IGSF9B: variants seen among roughly 807,000 people sequenced by gnomAD.
The protein encoded by IGSF9B is immunoglobulin superfamily member 9B.
Under a neutral mutation model 143.7 loss-of-function variants are expected in IGSF9B, and 48 were observed. That is an observed-to-expected ratio of 0.33 (90% CI 0.26 to 0.42). The LOEUF is 0.42. IGSF9B is among the 20% of genes least tolerant of loss of function. The pLI, the probability that IGSF9B is intolerant of heterozygous loss-of-function variation, is 1.00. For synonymous variants in IGSF9B, 903 were observed against 833.1 expected (o/e 1.08, Z -1.44); for missense variants, 1,706 against 1,980.0 (o/e 0.86, Z 2.63).
rs747036872 is a variant in IGSF9B at position 133,920,009 on chromosome 11, A to C, written c.3716T>G (p.Leu1239Arg). ...LQQAEMSEIT[L>R]QPPAAVSFSR... ...AAAGCTGACTGCAGCCGGCGGCTGCAGGGTGATCTCTGACATCTCTGCCTG... is the reference window on the plus strand; with the variant it reads ...AAAGCTGACTGCAGCCGGCGGCTGCCGGGTGATCTCTGACATCTCTGCCTG... Residue 1239 changes from leucine to arginine, a missense_variant, in exon 18 of 20, where the codon CTG (leucine) becomes CGG (arginine). By Grantham distance (102) the Leu-to-Arg change is moderately radical. Around this residue, in one of 7 missense-constraint regions of IGSF9B, gnomAD observed 880 missense variants for 762.9 expected, o/e 1.15. Coordinates refer to ENST00000533871, the MANE Select transcript of IGSF9B (RefSeq NM_001277285.4). The C allele has an allele frequency of 1.3e-6, 2 of 1,584,386 alleles. No homozygotes were observed. The highest frequency in any genetic ancestry group is 1.1e-5 in the South Asian group (1 of 87,792).
At position 133,953,290 on chromosome 11, in the gene IGSF9B, C is replaced by G. The variant is rs1361291637; in HGVS notation, c.64+3401G>C. Among the ~76,000 whole-genome samples, 1 of 152,236 alleles carries G rather than the reference C, an allele frequency of 6.6e-6. No individual in the cohort carries two copies. Among genetic ancestry groups the G allele is most frequent in the Non-Finnish European group, 1.5e-5 (1 of 68,038 alleles). On this transcript the variant is annotated intron_variant, in intron 1 of 19. Transcript: ENST00000533871. The surrounding 1 kb of genome is among the most constrained non-coding windows in gnomAD (Gnocchi z 4.2). ...TCCAGGACCAGCACATGCAGGGCCA[C>G]AGGCCCGCGGCTGAAAGCTGATTGC...
At chr11:133,932,355 C>T (rs954034786) in intron 7 of IGSF9B, 142 bp from the exon 8 acceptor site, 4 of 801,666 alleles carry the variant, frequency 5.0e-6, no homozygotes, top group African/African-American at 1.9e-5. Context: ...CAGACAGACA[C>T]AGGGACAGAC....
rs1205652050 is a variant in IGSF9B at position 133,907,815 on chromosome 11, C to T, written c.*1254G>A. Among the ~76,000 whole-genome samples the T allele has an allele frequency of 2.6e-5, 4 of 152,184 alleles. No individual in the cohort carries two copies. The highest frequency in any genetic ancestry group is 7.2e-5 in the African/African-American group (3 of 41,462). On this transcript the variant is annotated 3_prime_UTR_variant, in exon 20 of 20. Transcript: ENST00000533871. The stretch of plus-strand genomic sequence containing the variant: ...CGTCCCAGGCCCCAGCAGCCAGAGG[C>T]GCCCTAGCTTCACCTGAGCTCATCC...
chr11:133,936,880 TCTCTGGGGA>T (rs1358523614), intron 5 of IGSF9B, among the ~76,000 whole-genome samples: 1 of 152,180 alleles, frequency 6.6e-6, no homozygotes, highest in East Asian at 1.9e-4. Context: ...TCCTGGCCCC[TCTCTGGGGA>T]CTCTGGGGCT....
chr11:133,952,813 AC>A (rs1940189087), intron 1 of IGSF9B, among the ~76,000 whole-genome samples: 1 of 152,086 alleles, frequency 6.6e-6, no homozygotes, highest in Non-Finnish European at 1.5e-5. Flanking sequence ...GTGCACACAC[AC>A]ACACTTCTGG....
In IGSF9B at chr11:133,937,901, A is replaced by C; in HGVS notation, c.470T>G (p.Ile157Ser). Residue 157 changes from isoleucine (I) to serine (S), a missense_variant, in exon 4 of 20, where the codon ATC becomes AGC. Physicochemically the swap from Ile to Ser is moderately radical, Grantham distance 142. This residue lies in a region of IGSF9B where 171 missense variants were observed against 213.9 expected (regional missense o/e 0.80). Transcript: ENST00000533871. Reference protein sequence around the residue: ...QYIEAKEGGSITMTCTAFGNP... With the variant: ...QYIEAKEGGSSTMTCTAFGNP... ...CCCAAAAGCTGTGCAGGTCATGGTG[A>C]TACTACCACCCTCCTTGGCCTCGAT... is the stretch of plus-strand genomic sequence containing the variant. 6.2e-7 allele frequency: 1 copy of C among 1,612,870 alleles called. No homozygotes were observed. The highest frequency in any genetic ancestry group is 1.3e-5 in the African/African-American group (1 of 74,980).
chr11:133,906,776 AG>A lies in IGSF9B; in HGVS notation c.*2292del, dbSNP rs1191589314. Among the ~76,000 whole-genome samples the A allele has an allele frequency of 2.6e-5, 4 of 152,138 alleles. No homozygotes were observed. Among genetic ancestry groups the A allele is most frequent in the African/African-American group, 4.8e-5 (2 of 41,432 alleles). ...GCTGACAGCCTGATGCCCACATCCC[AG>A]TGCATCCCAGGGCCTGGCTGAGCCC... is the stretch of plus-strand genomic sequence containing the variant. On this transcript the variant is annotated 3_prime_UTR_variant, in exon 20 of 20. Coordinates refer to ENST00000533871, the MANE Select transcript of IGSF9B (RefSeq NM_001277285.4).
rs554734818 is a variant in IGSF9B at position 133,954,611 on chromosome 11, A to G, written c.64+2080T>C. On this transcript the variant is annotated intron_variant, in intron 1 of 19. Transcript: ENST00000533871. ...ACACTCATGTCCACCTAAAAACCCT[A>G]AAAGTACATGCTATTGGCACATTTT... Among the ~76,000 whole-genome samples, 3 of 152,322 alleles carry G rather than the reference A, an allele frequency of 2.0e-5. No homozygotes were observed. The East Asian group carries it at 5.8e-4, about 29-fold the overall frequency.
chr11:133,926,612 A>G (rs990558902), intron 13 of IGSF9B, among the ~76,000 whole-genome samples: 1 of 152,250 alleles, frequency 6.6e-6, no homozygotes, highest in African/African-American at 2.4e-5. Context: ...AGGCGCTGCC[A>G]AGGAGGGAGG....
chr11:133,910,773 C>T (rs950484129), intron 19 of IGSF9B, among the ~76,000 whole-genome samples: 1 of 152,126 alleles, frequency 6.6e-6, no homozygotes, highest in Non-Finnish European at 1.5e-5. Flanking sequence ...CAATGCAGGT[C>T]TCTGATGTGA....
chr11:133,955,157 T>C (rs1229869248), intron 1 of IGSF9B, among the ~76,000 whole-genome samples: 1 of 152,010 alleles, frequency 6.6e-6, no homozygotes, highest in African/African-American at 2.4e-5. Context: ...GATGCGGGCA[T>C]TGGAAGACGG....
chr11:133,928,397 G>A lies in IGSF9B; in HGVS notation c.1631+1274C>T, dbSNP rs1040094864. Among the ~76,000 whole-genome samples, 10 of 152,256 alleles carry A rather than the reference G, an allele frequency of 6.6e-5. No homozygotes were observed. Among genetic ancestry groups the A allele is most frequent in the African/African-American group, 1.4e-4 (6 of 41,546 alleles). On this transcript the variant is annotated intron_variant, in intron 12 of 19. Transcript: ENST00000533871. The surrounding 1 kb of genome is among the most constrained non-coding windows in gnomAD (Gnocchi z 4.7). ...TCAAGACACCCAGGACACTCCGCCC[G>A]GGAAGCAGCCACCGAACCACCATGA... is the stretch of plus-strand genomic sequence containing the variant.
chr11:133,937,627 G>T, intron 4 of IGSF9B, 134 bp from the exon 5 acceptor site: 1 of 996,536 alleles, frequency 1.0e-6, no homozygotes, highest in South Asian at 1.6e-5. Context: ...GGACACGAAG[G>T]GCAGGTGCCC....
At position 133,919,883 on chromosome 11, in the gene IGSF9B, C is replaced by T; in HGVS notation, c.3842G>A (p.Gly1281Asp). Residue 1281 changes from glycine to aspartate, a missense_variant, in exon 18 of 20, where the codon GGC becomes GAC. Gly to Asp is a moderately conservative substitution (Grantham distance 94). Transcript: ENST00000533871. ...PAMGFTTLATGYPSPPPGPAP... is the reference protein window; with the variant it reads ...PAMGFTTLATDYPSPPPGPAP... ...GGGGCCGGGTGGAGGGGAAGGGTAG[C>T]CGGTGGCCAGAGTGGTGAAGCCCAT... 1 of 1,584,780 alleles carries T rather than the reference C, an allele frequency of 6.3e-7. No homozygotes were observed. Among genetic ancestry groups the T allele is most frequent in the South Asian group, 1.1e-5 (1 of 87,020 alleles).
rs1939154098 is a variant in IGSF9B, at chr11:133,902,517, GACATGCACACCACACAC to G, written c.*6535_*6551del. Among the ~76,000 whole-genome samples, 1 of 101,516 alleles carries G rather than the reference GACATGCACACCACACAC, an allele frequency of 9.9e-6. No individual in the cohort carries two copies. 66.6% of individuals were successfully genotyped at this position (101,516 alleles called of 152,430 possible). On this transcript the variant is annotated 3_prime_UTR_variant, in exon 20 of 20. Transcript: ENST00000533871. ...ACACCAGACATGCACACCACACACA[GACATGCACACCACACAC>G]ATATACCACACACACCACATACACA...
Position 133,948,617 on chromosome 11 carries a change from CTG to C in IGSF9B, c.65-2361_65-2360del, listed in dbSNP as rs59414581. 0.22 allele frequency among the ~76,000 whole-genome samples: 31,065 copies of C among 140,584 alleles called. 3,386 individuals are homozygous for C. The highest frequency in any genetic ancestry group is 0.26 in the African/African-American group (9,845 of 37,294). The allele number at this position is 140,584 out of a possible 152,430, so 92.2% of individuals were successfully genotyped here. A position where few individuals can be genotyped will look rare whatever the true frequency, so the allele number is the denominator to read the frequency against. ...TGGGTGCCATGAGTTTGCAGAGAAG[CTG>C]TGTGTGTGTGTGTGTGTGTGTGTGT... On this transcript the variant is annotated intron_variant, in intron 1 of 19. Coordinates refer to ENST00000533871, the MANE Select transcript of IGSF9B (RefSeq NM_001277285.4). The surrounding 1 kb of genome is among the most constrained non-coding windows in gnomAD (Gnocchi z 4.7).
chr11:133,915,268 C>CTT lies in IGSF9B; in HGVS notation c.3984-3263_3984-3262dup, dbSNP rs33964936. On this transcript the variant is annotated intron_variant, in intron 18 of 19. Coordinates refer to ENST00000533871, the MANE Select transcript of IGSF9B (RefSeq NM_001277285.4). ...GCCTGGAACTTACTTCTCTCTCTCT[C>CTT]TTTTTTTTTTTTTTTTTTTTTTGAG... Among the ~76,000 whole-genome samples the CTT allele has an allele frequency of 9.5e-3, 824 of 86,662 alleles. 28 individuals carry two copies. Among genetic ancestry groups the CTT allele is most frequent in the African/African-American group, 0.023 (497 of 21,912 alleles). The allele number at this position is 86,662 out of a possible 152,430, so 56.9% of individuals were successfully genotyped here.
At position 133,904,110 on chromosome 11, in the gene IGSF9B, G is replaced by A. The variant is rs1939179023; in HGVS notation, c.*4959C>T. 6.6e-6 allele frequency among the ~76,000 whole-genome samples: 1 copy of A among 152,178 alleles called. No homozygotes were observed. The highest frequency in any genetic ancestry group is 6.5e-5 in the Admixed American group (1 of 15,290). The stretch of plus-strand genomic sequence containing the variant: ...AAAGAGAAGGCCTCACGAAGCCACT[G>A]TGCAACTTCATGGCCGGAAGGAAGC... On this transcript the variant is annotated 3_prime_UTR_variant, in exon 20 of 20. Transcript: ENST00000533871.
In IGSF9B at chr11:133,920,188, A is replaced by AGGCCGG. The variant is rs1939493713; in HGVS notation, c.3531_3536dup (p.Arg1178_Pro1179dup). ...CGGCGCGCCTGGCCTGCCGAGGGCT[A>AGGCCGG]GGCCGGGGCCGGGGCTGGGGCTCAT... On this transcript the variant is annotated inframe_insertion, in exon 18 of 20. Transcript: ENST00000533871. The AGGCCGG allele has an allele frequency of 6.6e-7, 1 of 1,509,624 alleles. No homozygotes were observed. The highest frequency in any genetic ancestry group is 8.9e-7 in the Non-Finnish European group (1 of 1,129,424). The allele number at this position is 1,509,624 out of a possible 1,614,324, so 93.5% of individuals were successfully genotyped here.
Sources: allele counts gnomAD v4.1 joint callset (sites outside exome capture counted in the v4.1 genomes callset), GRCh38; gene constraint gnomAD v4.1.1; regional missense constraint gnomAD v4.1.1; non-coding constraint Gnocchi (gnomAD v3.1); transcripts MANE v1.5; gene names NCBI Gene and HGNC (gene_info 2026-07-23, HGNC 2026-07-21).